ZFAND3: variants seen among roughly 807,000 people sequenced by gnomAD.
The protein encoded by ZFAND3 is zinc finger AN1-type containing 3.
In ZFAND3, 10 loss-of-function variants were observed where a neutral mutation model predicts 29.6. The ratio of observed to expected loss-of-function variants is 0.34; its 90% CI spans 0.21 to 0.57. The LOEUF (loss-of-function observed/expected upper bound fraction) is 0.57, where lower values mean the gene tolerates loss of function less well. ZFAND3 is among the 20% of genes least tolerant of loss of function. The pLI is 0.86. For missense variants in ZFAND3, 230 were observed against 304.5 expected, an observed-to-expected ratio of 0.76 and a Z score of 1.82; for synonymous variants, 128 against 112.6, an observed-to-expected ratio of 1.14 and a Z score of -0.87.
intron 1 of ZFAND3, among the ~76,000 whole-genome samples, chr6:37,843,898 A>G (rs935476014): frequency 6.6e-6 from 1 of 151,744 alleles, no homozygotes; most frequent in Non-Finnish European, 1.5e-5. Context: ...GCTGAATACA[A>G]TAAGATTATT....
chr6:38,059,045 G>A (rs139768141), intron 2 of ZFAND3, among the ~76,000 whole-genome samples: 189 of 152,210 alleles, frequency 1.2e-3, no homozygotes, highest in Non-Finnish European at 2.3e-3. Flanking sequence ...TCTCTGAATT[G>A]ATATAATAAA....
At chr6:38,124,807 G>A (rs1482683086) in intron 5 of ZFAND3, among the ~76,000 whole-genome samples, 1 of 152,262 alleles carries the variant, frequency 6.6e-6, no homozygotes, top group Non-Finnish European at 1.5e-5. Context: ...AGCATGGCCA[G>A]AGCGGACGCT....
intron 1 of ZFAND3, among the ~76,000 whole-genome samples, chr6:37,838,236 A>G (rs1764005038): frequency 6.6e-6 from 1 of 152,172 alleles, no homozygotes; most frequent in African/African-American, 2.4e-5. Context: ...TGTTCATAAC[A>G]TTTTTGCAGG....
intron 1 of ZFAND3, among the ~76,000 whole-genome samples, chr6:37,889,022 A>C (rs1024240098): frequency 3.9e-5 from 6 of 152,218 alleles, no homozygotes; most frequent in Non-Finnish European, 8.8e-5. Flanking sequence ...CTTTTGAGTA[A>C]CACAAGCATA....
chr6:38,045,226 T>A (rs991971929), intron 2 of ZFAND3, among the ~76,000 whole-genome samples: 2 of 151,900 alleles, frequency 1.3e-5, no homozygotes, highest in African/African-American at 2.4e-5. Flanking sequence ...TACCTGGGAT[T>A]ACAGGTGCAT....
At chr6:37,872,082 A>G (rs768995251) in intron 1 of ZFAND3, among the ~76,000 whole-genome samples, 1 of 151,972 alleles carries the variant, frequency 6.6e-6, no homozygotes, top group East Asian at 1.9e-4. Context: ...TTCCCCCTCC[A>G]CTTTCCACCT....
At chr6:37,998,236 C>T (rs1209485582) in intron 2 of ZFAND3, among the ~76,000 whole-genome samples, 1 of 152,096 alleles carries the variant, frequency 6.6e-6, no homozygotes, top group Non-Finnish European at 1.5e-5. Flanking sequence ...ATTAGTATGA[C>T]ATGGAAGATG....
chr6:37,980,530 T>C (rs1252829138), intron 2 of ZFAND3, among the ~76,000 whole-genome samples: 2 of 152,216 alleles, frequency 1.3e-5, no homozygotes, highest in Non-Finnish European at 2.9e-5. Flanking sequence ...GAAACCACTC[T>C]ACCCTTATTC....
chr6:37,946,922 G>C (rs908264996), intron 2 of ZFAND3, among the ~76,000 whole-genome samples: 1 of 152,076 alleles, frequency 6.6e-6, no homozygotes, highest in Non-Finnish European at 1.5e-5. Context: ...AAGTCAATTT[G>C]GGAAGATGAA....
intron 2 of ZFAND3, among the ~76,000 whole-genome samples, chr6:37,953,595 C>G (rs1003787936): frequency 2.0e-5 from 3 of 151,786 alleles, no homozygotes; most frequent in Non-Finnish European, 4.4e-5. Context: ...GGGACTCAGG[C>G]ATGTGGCACC....
At chr6:37,841,318 C>T (rs1386319394) in intron 1 of ZFAND3, among the ~76,000 whole-genome samples, 1 of 152,120 alleles carries the variant, frequency 6.6e-6, no homozygotes, top group Non-Finnish European at 1.5e-5. Flanking sequence ...TTATTTACTA[C>T]CTAGATTCTG....
intron 1 of ZFAND3, among the ~76,000 whole-genome samples, chr6:37,844,406 C>A (rs909416087): frequency 6.6e-6 from 1 of 152,014 alleles, no homozygotes; most frequent in Non-Finnish European, 1.5e-5. Context: ...CTCAGGCTCC[C>A]GAGTAGCTGG....
At chr6:37,961,176 T>A (rs539902665) in intron 2 of ZFAND3, among the ~76,000 whole-genome samples, 6 of 152,252 alleles carry the variant, frequency 3.9e-5, no homozygotes, top group African/African-American at 1.4e-4. Context: ...AGGAGCCCAC[T>A]CCCTTGAAAA....
intron 4 of ZFAND3, among the ~76,000 whole-genome samples, chr6:38,114,782 A>T (rs1765385359): frequency 6.6e-6 from 1 of 152,206 alleles, no homozygotes. Context: ...TTCTCACTAG[A>T]GCCACTTTAA....
intron 2 of ZFAND3, among the ~76,000 whole-genome samples, chr6:38,054,663 A>G (rs1764100666): frequency 6.6e-6 from 1 of 152,230 alleles, no homozygotes; most frequent in South Asian, 2.1e-4. Flanking sequence ...GATAATATTC[A>G]TGAAAGGACA....
chr6:37,929,862 A>G, intron 1 of ZFAND3, 97 bp from the exon 2 acceptor site: 2 of 1,242,520 alleles, frequency 1.6e-6, no homozygotes, highest in African/African-American at 1.5e-5. Context: ...GCCTGACCAG[A>G]AAGTTCTTTG....
chr6:37,847,553 A>T (rs1160181983), intron 1 of ZFAND3, among the ~76,000 whole-genome samples: 1 of 152,180 alleles, frequency 6.6e-6, no homozygotes, highest in African/African-American at 2.4e-5. Context: ...CAGCTTGGCG[A>T]CAGAGTGAGA....
At chr6:38,090,136 C>T (rs1764835213) in intron 4 of ZFAND3, among the ~76,000 whole-genome samples, 1 of 152,080 alleles carries the variant, frequency 6.6e-6, no homozygotes, top group Admixed American at 6.6e-5. Context: ...TACAGGTGTG[C>T]TCTGTGGCAT....
intron 2 of ZFAND3, among the ~76,000 whole-genome samples, chr6:38,002,568 T>C (rs1267701738): frequency 6.6e-6 from 1 of 152,022 alleles, no homozygotes; most frequent in Admixed American, 6.6e-5. Context: ...TCCCAGCTAC[T>C]CAAGAGGCTG....
Sources: allele counts gnomAD v4.1 joint callset (sites outside exome capture counted in the v4.1 genomes callset), GRCh38; gene constraint gnomAD v4.1.1; transcripts MANE v1.5; gene names NCBI Gene and HGNC (gene_info 2026-07-23, HGNC 2026-07-21).